Variants in SGCE observed in about 807,000 individuals in gnomAD.
The protein encoded by SGCE is epsilon-sarcoglycan.
A neutral mutation model predicts 57.8 loss-of-function variants in SGCE; 26 were observed. That is an observed-to-expected ratio of 0.45 (90% CI 0.33 to 0.62). The LOEUF (loss-of-function observed/expected upper bound fraction) is 0.62, where lower values mean the gene tolerates loss of function less well. Ranked by LOEUF, SGCE falls within the 20% of genes least tolerant of loss-of-function variation. The pLI is 0.02. For missense variants in SGCE, 468 were observed against 548.6 expected, an observed-to-expected ratio of 0.85 and a Z score of 1.47; for synonymous variants, 183 against 189.5, an observed-to-expected ratio of 0.97 and a Z score of 0.28.
intron 5 of SGCE, among the ~76,000 whole-genome samples, chr7:94,609,634 T>A (rs1464876001): frequency 2.0e-5 from 3 of 152,164 alleles, no homozygotes; most frequent in African/African-American, 7.2e-5. Flanking sequence ...ACTTTACATA[T>A]CATCATGGAA....
At chr7:94,626,325 C>T (rs1026243122) in intron 3 of SGCE, 4 of 151,900 alleles carry the variant, frequency 2.6e-5, no homozygotes, top group African/African-American at 9.7e-5. Flanking sequence ...ATATTTAGGT[C>T]TTACTTAACA....
At chr7:94,636,259 C>T (rs1327317949) in intron 1 of SGCE, among the ~76,000 whole-genome samples, 1 of 152,166 alleles carries the variant, frequency 6.6e-6, no homozygotes, top group East Asian at 1.9e-4. Flanking sequence ...AGCTTAGTGT[C>T]ATAGCATGCT....
At chr7:94,626,360 A>C (rs1803716850) in intron 3 of SGCE, 1 of 152,212 alleles carries the variant, frequency 6.6e-6, no homozygotes, top group South Asian at 2.1e-4. Context: ...CATAGGTCAA[A>C]GAGATTTTTC....
chr7:94,598,332 A>G (rs1798711336), intron 9 of SGCE: 1 of 187,706 alleles, frequency 5.3e-6, no homozygotes, highest in South Asian at 1.0e-4. Context: ...GATCATAAAA[A>G]ACAACCCAAA....
chr7:94,639,575 T>C lies in SGCE; in HGVS notation c.110-9734A>G, dbSNP rs373680654. ...TCCAGCCCAGCTAACTGTTTAATTC[T>C]AGTCAGCAAATATTTGTTGTATGTC... On this transcript the variant is annotated intron_variant, in intron 1 of 10. Coordinates refer to ENST00000648936, the MANE Select transcript of SGCE (RefSeq NM_003919.3). 5.9e-4 allele frequency: 365 copies of C among 619,734 alleles called. 5 individuals carry two copies. The highest frequency in any genetic ancestry group is 5.4e-3 in the South Asian group (269 of 49,580). 38.4% of individuals were successfully genotyped at this position (619,734 alleles called of 1,614,324 possible).
At chr7:94,605,989 C>T (rs6980229) in intron 5 of SGCE, among the ~76,000 whole-genome samples, 1 of 151,938 alleles carries the variant, frequency 6.6e-6, no homozygotes, top group Non-Finnish European at 1.5e-5. Flanking sequence ...CCACCACACC[C>T]AGCTAATTTT....
Position 94,598,879 on chromosome 7 carries a change from G to A in SGCE, c.1149C>T (p.Pro383=). 6.2e-7 allele frequency: 1 copy of A among 1,613,334 alleles called. No homozygotes were observed. The highest frequency in any genetic ancestry group is 8.5e-7 in the Non-Finnish European group (1 of 1,179,328). Residue 383 remains proline, a synonymous_variant, in exon 9 of 11, where the codon CCC becomes CCT. Coordinates refer to ENST00000648936, the MANE Select transcript of SGCE (RefSeq NM_003919.3). ...GGTGGAACACAGGAAGCGTTGACAG[G>A]GGCCATGCTATCTCTCTATTCTTGG... is the stretch of plus-strand genomic sequence containing the variant. ...DMSKNREIAW[P]LSTLPVFHPV... is the part of the protein sequence containing the mutation.
At chr7:94,623,927 G>T in intron 3 of SGCE, 1 of 367,842 alleles carries the variant, frequency 2.7e-6, no homozygotes, top group South Asian at 1.5e-4. Flanking sequence ...AAGTAGTAAG[G>T]ATCATAGTCC....
intron 6 of SGCE, 34 bp downstream of exon 6, chr7:94,603,256 T>C: frequency 6.4e-7 from 1 of 1,568,058 alleles, no homozygotes; most frequent in Non-Finnish European, 8.8e-7. Context: ...ACATTATTTT[T>C]AACTAAACTT....
chr7:94,624,330 T>A (rs757726798), intron 3 of SGCE: 25 of 397,504 alleles, frequency 6.3e-5, no homozygotes, highest in Non-Finnish European at 9.8e-5. Flanking sequence ...TCAAAGATTT[T>A]TATACATTAC....
At chr7:94,602,605 T>C (rs945122795) in intron 6 of SGCE, among the ~76,000 whole-genome samples, 1 of 151,696 alleles carries the variant, frequency 6.6e-6, no homozygotes, top group East Asian at 1.9e-4. Context: ...AACAAAGAAT[T>C]GAAACAACTC....
intron 1 of SGCE, 112 bp from the exon 2 acceptor site, chr7:94,629,953 G>C: frequency 8.0e-7 from 1 of 1,245,882 alleles, no homozygotes; most frequent in Non-Finnish European, 1.1e-6. Context: ...GACATTTCTG[G>C]AAAAACTGAA....
chr7:94,603,480 T>C, intron 5 of SGCE, 28 bp from the exon 6 acceptor site: 2 of 1,607,520 alleles, frequency 1.2e-6, no homozygotes, highest in Non-Finnish European at 1.7e-6. Flanking sequence ...TCTCAGGTTA[T>C]CCTTTAAGAA....
chr7:94,625,129 A>G (rs1383511037), intron 3 of SGCE: 3 of 152,114 alleles, frequency 2.0e-5, no homozygotes, highest in African/African-American at 7.2e-5. Flanking sequence ...TGATTCCCCA[A>G]TTTCTAAAAC....
At chr7:94,625,007 T>C (rs1803461656) in intron 3 of SGCE, 1 of 152,036 alleles carries the variant, frequency 6.6e-6, no homozygotes, top group Non-Finnish European at 1.5e-5. Context: ...TTCTATCACT[T>C]CCAATGAGAC....
At chr7:94,626,278 T>A (rs922094682) in intron 3 of SGCE, 14 of 152,072 alleles carry the variant, frequency 9.2e-5, no homozygotes, top group African/African-American at 3.4e-4. Flanking sequence ...ATTCACAAAT[T>A]TCATATAGTG....
intron 9 of SGCE, among the ~76,000 whole-genome samples, chr7:94,594,770 T>C (rs1441873906): frequency 1.3e-5 from 2 of 152,142 alleles, no homozygotes; most frequent in South Asian, 2.1e-4. Context: ...ATAAAAAGTT[T>C]ATTAAAGAAT....
At chr7:94,608,258 C>T (rs1034442163) in intron 5 of SGCE, among the ~76,000 whole-genome samples, 5 of 152,206 alleles carry the variant, frequency 3.3e-5, no homozygotes, top group African/African-American at 7.2e-5. Flanking sequence ...AGGGGTTGAA[C>T]CCAGGAGGCA....
At chr7:94,586,481 C>T (rs905148781) in intron 10 of SGCE, 2 of 152,126 alleles carry the variant, frequency 1.3e-5, no homozygotes, top group African/African-American at 4.8e-5. Context: ...AGGCATGCCT[C>T]CATTTAGGTT....
Sources: allele counts gnomAD v4.1 joint callset (sites outside exome capture counted in the v4.1 genomes callset), GRCh38; gene constraint gnomAD v4.1.1; transcripts MANE v1.5; gene names NCBI Gene and HGNC (gene_info 2026-07-23, HGNC 2026-07-21).